The following NNT variants were observed in gnomAD, a reference collection of about 807,000 sequenced individuals.
NNT encodes the protein NAD(P) transhydrogenase, mitochondrial.
In NNT, 50 loss-of-function variants were observed where a neutral mutation model predicts 104.8. The observed-to-expected ratio is 0.48, with a 90% confidence interval of 0.38 to 0.60. The LOEUF is 0.60. Among genes scored for constraint, NNT ranks in the 20% least tolerant of loss-of-function variants. The probability of loss-of-function intolerance (pLI) is 0.00; values close to 1 mark genes in which losing one functional copy is unlikely to be tolerated. For synonymous variants in NNT, 461 were observed against 490.4 expected, an observed-to-expected ratio of 0.94 and a Z score of 0.79; for missense variants, 1,131 against 1,330.7, an observed-to-expected ratio of 0.85 and a Z score of 2.33.
At chr5:43,617,515 CAT>C (rs1439440862) in intron 4 of NNT, among the ~76,000 whole-genome samples, 1 of 152,160 alleles carries the variant, frequency 6.6e-6, no homozygotes, top group Non-Finnish European at 1.5e-5. Context: ...ATCTAGTATA[CAT>C]ATCCATACAA....
In NNT at chr5:43,645,375, C is replaced by T. The variant is rs757352347; in HGVS notation, c.1309C>T (p.Pro437Ser). The T allele has an allele frequency of 6.5e-7, 1 of 1,547,502 alleles. No homozygotes were observed. Among genetic ancestry groups the T allele is most frequent in the Non-Finnish European group, 8.7e-7 (1 of 1,145,726 alleles). Residue 437 changes from proline (P) to serine (S), a missense_variant, in exon 10 of 22, where the codon CCA becomes TCA. By Grantham distance (74) the Pro-to-Ser change is moderately conservative. Transcript: ENST00000344920. The part of the protein sequence containing the change: ...VVMKDGKVIF[P>S]APTPKNIPQG... ...CTATTAGGATGGTAAAGTGATTTTCCCAGCTCCCACACCGAAAAATATTCC... is the reference window on the plus strand; with the variant it reads ...CTATTAGGATGGTAAAGTGATTTTCTCAGCTCCCACACCGAAAAATATTCC...
At chr5:43,606,784 T>C (rs891709696) in intron 1 of NNT, among the ~76,000 whole-genome samples, 1 of 152,182 alleles carries the variant, frequency 6.6e-6, no homozygotes, top group South Asian at 2.1e-4. Context: ...TGTTGACTTC[T>C]TATCTCCAGG....
At chr5:43,627,407 G>T (rs950005369) in intron 6 of NNT, among the ~76,000 whole-genome samples, 2 of 152,142 alleles carry the variant, frequency 1.3e-5, no homozygotes, top group African/African-American at 4.8e-5. Flanking sequence ...CTGCTTGCTG[G>T]AGATTATAAT....
chr5:43,616,251 C>T (rs1479089096), intron 4 of NNT, among the ~76,000 whole-genome samples, 186 bp downstream of exon 4: 2 of 152,126 alleles, frequency 1.3e-5, no homozygotes, highest in African/African-American at 4.8e-5. Flanking sequence ...AGGAAATGAA[C>T]TCTATTTATA....
Position 43,675,237 on chromosome 5 carries a change from A to G in NNT, c.2635-274A>G, listed in dbSNP as rs191877360. ...TTTCATTAGTTTATTAATTTTATTG[A>G]TAATTTTTTCTTGGTTTCTATTTTT... On this transcript the variant is annotated intron_variant, in intron 17 of 21. Transcript: ENST00000344920. Among the ~76,000 whole-genome samples the G allele has an allele frequency of 4.0e-4, 61 of 152,248 alleles. 1 individual carries two copies. Among genetic ancestry groups the G allele is most frequent in the Non-Finnish European group, 8.8e-4 (60 of 68,012 alleles).
At chr5:43,679,368 A>G (rs763690471) in intron 19 of NNT, among the ~76,000 whole-genome samples, 1 of 152,204 alleles carries the variant, frequency 6.6e-6, no homozygotes, top group African/African-American at 2.4e-5. Context: ...AATGCCTTTC[A>G]TGTCTTAATT....
chr5:43,613,429 A>G (rs1020664573), intron 3 of NNT: 2 of 287,354 alleles, frequency 7.0e-6, no homozygotes, highest in Non-Finnish European at 1.3e-5. Flanking sequence ...TACATGGTCC[A>G]TATATATCCA....
intron 17 of NNT, among the ~76,000 whole-genome samples, chr5:43,672,732 G>A (rs1444344760): frequency 6.6e-6 from 1 of 152,262 alleles, no homozygotes; most frequent in Non-Finnish European, 1.5e-5. Context: ...TCAGGGGTCA[G>A]GGACCCACTT....
At chr5:43,614,148 G>C (rs1749652519) in intron 3 of NNT, among the ~76,000 whole-genome samples, 1 of 152,158 alleles carries the variant, frequency 6.6e-6, no homozygotes, top group African/African-American at 2.4e-5. Flanking sequence ...ATATTCTAGG[G>C]ATCATCTTTT....
At chr5:43,623,822 T>G (rs1367840231) in intron 5 of NNT, among the ~76,000 whole-genome samples, 2 of 152,194 alleles carry the variant, frequency 1.3e-5, no homozygotes, top group Non-Finnish European at 2.9e-5. Flanking sequence ...TAGCAGTTGT[T>G]TCTTTGATAA....
rs541868927 is a variant in NNT at position 43,650,645 on chromosome 5, A to G, written c.1717+58A>G. 4 of 1,265,216 alleles carry G rather than the reference A, an allele frequency of 3.2e-6. No individual in the cohort carries two copies. The East Asian group carries it at 9.4e-5, about 30-fold the overall frequency. 78.4% of individuals were successfully genotyped at this position (1,265,216 alleles called of 1,614,324 possible). ...TTCAATGGAGACATACAAAGCAAAT[A>G]TAAATCCATATAAAATAGACATAAT... On this transcript the variant is annotated intron_variant, in intron 12 of 21. Transcript: ENST00000344920.
At chr5:43,659,375 C>T in intron 17 of NNT, 25 bp downstream of exon 17, 2 of 1,561,332 alleles carry the variant, frequency 1.3e-6, no homozygotes, top group Admixed American at 1.9e-5. Context: ...ATACATGAAA[C>T]AAAAGGAAAT....
At chr5:43,655,487 T>G (rs1739993492) in intron 14 of NNT, among the ~76,000 whole-genome samples, 2 of 152,232 alleles carry the variant, frequency 1.3e-5, no homozygotes, top group Non-Finnish European at 2.9e-5. Flanking sequence ...ATTTAAAATG[T>G]TGTTTAAAAT....
chr5:43,679,225 T>C (rs571319762), intron 19 of NNT, among the ~76,000 whole-genome samples: 1 of 152,374 alleles, frequency 6.6e-6, no homozygotes, highest in Admixed American at 6.5e-5. Flanking sequence ...TTAAACAACG[T>C]TTTATGATTT....
At chr5:43,641,614 T>C (rs1189976152) in intron 7 of NNT, among the ~76,000 whole-genome samples, 1 of 152,142 alleles carries the variant, frequency 6.6e-6, no homozygotes, top group Non-Finnish European at 1.5e-5. Context: ...TTCATGTATA[T>C]AAATATATAT....
rs573451639 is a variant in NNT, at chr5:43,608,796, A to G, written c.-53-347A>G. ...CATGCTGACTTAGAAGATAACTTTC[A>G]TGTAAGATACAACTTGATTCTGTAG... On this transcript the variant is annotated intron_variant, in intron 1 of 21. Transcript: ENST00000344920. 2.6e-5 allele frequency among the ~76,000 whole-genome samples: 4 copies of G among 152,344 alleles called. No individual in the cohort carries two copies. In the East Asian group the frequency reaches 7.7e-4, roughly 29 times the overall value.
At chr5:43,639,017 A>T (rs1436785054) in intron 7 of NNT, among the ~76,000 whole-genome samples, 2 of 152,048 alleles carry the variant, frequency 1.3e-5, no homozygotes, top group African/African-American at 2.4e-5. Context: ...TTTTCTGGTA[A>T]ATCTTTAGTC....
intron 10 of NNT, 84 bp from the exon 11 acceptor site, chr5:43,649,063 T>A (rs1739609314): frequency 7.1e-7 from 1 of 1,417,342 alleles, no homozygotes; most frequent in African/African-American, 1.4e-5. Flanking sequence ...GCATTGGCTA[T>A]TCCACATATT....
chr5:43,656,582 TCA>T, intron 15 of NNT, 69 bp from the exon 16 acceptor site: 1 of 1,361,146 alleles, frequency 7.3e-7, no homozygotes, highest in Non-Finnish European at 1.0e-6. Flanking sequence ...TGTGTAGAAT[TCA>T]CAGAAATGAA....
Sources: gnomAD v4.1 joint callset for allele counts (sites outside exome capture counted in the v4.1 genomes callset) on GRCh38, gnomAD v4.1.1 for gene constraint, MANE v1.5 for transcripts, NCBI Gene and HGNC (gene_info 2026-07-23, HGNC 2026-07-21) for gene names.